Variants in BMPER observed in about 807,000 individuals in gnomAD.
BMPER encodes BMP-binding endothelial regulator protein.
In BMPER, 45 loss-of-function variants were observed where a neutral mutation model predicts 87.3. The observed-to-expected ratio is 0.52, with a 90% CI of 0.41 to 0.66. BMPER has a LOEUF of 0.66. Among genes scored for constraint, BMPER ranks in the 30% least tolerant of loss-of-function variants. The pLI is 0.00. For synonymous variants in BMPER, 326 were observed against 316.2 expected (o/e 1.03, Z -0.33); for missense variants, 784 against 867.5 (o/e 0.90, Z 1.21).
At chr7:34,047,303 C>T (rs142627664) in intron 7 of BMPER, among the ~76,000 whole-genome samples, 27 of 151,842 alleles carry the variant, frequency 1.8e-4, no homozygotes, top group Admixed American at 9.2e-4. Flanking sequence ...TTTTTTGAGA[C>T]GGAGTCTTGC....
At chr7:34,050,374 A>T (rs1311965908) in intron 7 of BMPER, among the ~76,000 whole-genome samples, 1 of 152,062 alleles carries the variant, frequency 6.6e-6, no homozygotes, top group Admixed American at 6.6e-5. Flanking sequence ...GATCCAAATT[A>T]TAACTCACTT....
intron 6 of BMPER, among the ~76,000 whole-genome samples, chr7:34,022,693 T>G (rs1221971383): frequency 1.3e-5 from 2 of 148,492 alleles, no homozygotes. Flanking sequence ...AACCAATCCC[T>G]TTAAGGTTTG....
chr7:34,065,964 C>A (rs1788578119), intron 11 of BMPER, among the ~76,000 whole-genome samples: 1 of 152,204 alleles, frequency 6.6e-6, no homozygotes, highest in Non-Finnish European at 1.5e-5. Flanking sequence ...ACATACTCTC[C>A]AATTTATTTT....
chr7:34,055,075 A>G (rs17169636), intron 8 of BMPER, 88 bp from the exon 9 acceptor site: 9 of 1,551,444 alleles, frequency 5.8e-6, no homozygotes, highest in Non-Finnish European at 8.0e-6. Flanking sequence ...TGACACAGAT[A>G]GTTATGAGTT....
chr7:33,978,611 G>T (rs1253466119), intron 6 of BMPER, among the ~76,000 whole-genome samples: 3 of 152,146 alleles, frequency 2.0e-5, no homozygotes, highest in Admixed American at 6.5e-5. Context: ...CCCTCAAGTG[G>T]CAAAGTGGTC....
At position 34,143,334 on chromosome 7, in the gene BMPER, A is replaced by G; in HGVS notation, c.1850A>G (p.His617Arg). The change falls in exon 14 of 15, where the codon CAC becomes CGC. Residue 617 changes from histidine to arginine, a missense_variant. Physicochemically the swap from His to Arg is conservative, Grantham distance 29 (BLOSUM62 0). Coordinates refer to ENST00000649409, the MANE Select transcript of BMPER (RefSeq NM_001365308.1). ...RACQREGIKV[H>R]WEPQQNCAAT... ...TGCCAGAGAGAGGGCATCAAAGTCCACTGGGAGCCTCAGCAGAATTGTGCA... is the reference window on the plus strand; with the variant it reads ...TGCCAGAGAGAGGGCATCAAAGTCCGCTGGGAGCCTCAGCAGAATTGTGCA... The G allele has an allele frequency of 6.2e-7, 1 of 1,614,046 alleles. No individual in the cohort carries two copies. Among genetic ancestry groups the G allele is most frequent in the Non-Finnish European group, 8.5e-7 (1 of 1,179,936 alleles).
intron 13 of BMPER, among the ~76,000 whole-genome samples, chr7:34,105,499 G>A (rs1789794473): frequency 1.3e-5 from 2 of 152,110 alleles, no homozygotes; most frequent in Non-Finnish European, 2.9e-5. Context: ...CACCATAGAG[G>A]GCCAGTCAGG....
At chr7:34,030,392 A>G (rs1266313082) in intron 6 of BMPER, among the ~76,000 whole-genome samples, 1 of 152,112 alleles carries the variant, frequency 6.6e-6, no homozygotes, top group Admixed American at 6.6e-5. Context: ...TCTATGGTCA[A>G]ATAAGTTTGA....
At chr7:33,924,325 T>C (rs57387997) in intron 2 of BMPER, among the ~76,000 whole-genome samples, 1,792 of 152,354 alleles carry the variant, frequency 0.012, 24 homozygotes, top group African/African-American at 0.041. Context: ...CATTTGAAAG[T>C]ATACAAATTA....
chr7:34,133,054 A>G (rs1229067491), intron 13 of BMPER, among the ~76,000 whole-genome samples: 1 of 152,072 alleles, frequency 6.6e-6, no homozygotes, highest in African/African-American at 2.4e-5. Flanking sequence ...AATTTCCTGA[A>G]TGGTAGGAGT....
chr7:34,086,522 C>G (rs908478827), intron 13 of BMPER, among the ~76,000 whole-genome samples: 1 of 152,158 alleles, frequency 6.6e-6, no homozygotes, highest in Admixed American at 6.5e-5. Flanking sequence ...GTTATTCTAC[C>G]TGAGGAAGAG....
intron 13 of BMPER, among the ~76,000 whole-genome samples, chr7:34,107,441 T>A (rs1052245935): frequency 2.6e-5 from 4 of 152,224 alleles, no homozygotes; most frequent in Admixed American, 1.3e-4. Flanking sequence ...TCAGATTTTT[T>A]AATTTCTGCC....
At chr7:33,982,583 G>A (rs1013338556) in intron 6 of BMPER, among the ~76,000 whole-genome samples, 4 of 152,046 alleles carry the variant, frequency 2.6e-5, no homozygotes, top group African/African-American at 9.7e-5. Context: ...AAAAGTAGCT[G>A]GTGTTCTGCT....
At chr7:34,131,490 A>C (rs1053813987) in intron 13 of BMPER, among the ~76,000 whole-genome samples, 1 of 152,142 alleles carries the variant, frequency 6.6e-6, no homozygotes, top group Non-Finnish European at 1.5e-5. Flanking sequence ...CACGTAGTGG[A>C]GGATTTGTGC....
At chr7:33,931,720 C>A (rs1784485393) in intron 2 of BMPER, among the ~76,000 whole-genome samples, 1 of 152,194 alleles carries the variant, frequency 6.6e-6, no homozygotes, top group Non-Finnish European at 1.5e-5. Context: ...CTGCTTCCTC[C>A]TCCTTGGGGC....
intron 2 of BMPER, among the ~76,000 whole-genome samples, chr7:33,927,241 A>C (rs1562634771): frequency 6.6e-6 from 1 of 152,162 alleles, no homozygotes; most frequent in African/African-American, 2.4e-5. Flanking sequence ...TCTGTGAAAA[A>C]TCTTCTGTTT....
intron 13 of BMPER, among the ~76,000 whole-genome samples, chr7:34,122,407 A>G (rs922001147): frequency 6.6e-6 from 1 of 152,212 alleles, no homozygotes; most frequent in African/African-American, 2.4e-5. Flanking sequence ...ATGCGGCTCA[A>G]TAGGTTTTAG....
chr7:34,056,903 A>G (rs1392647962), intron 9 of BMPER, among the ~76,000 whole-genome samples: 6 of 152,188 alleles, frequency 3.9e-5, no homozygotes, highest in Admixed American at 2.0e-4. Flanking sequence ...GGCGTGAGCC[A>G]CCGCGCCCGG....
At chr7:34,126,466 G>A (rs1790405148) in intron 13 of BMPER, among the ~76,000 whole-genome samples, 1 of 152,202 alleles carries the variant, frequency 6.6e-6, no homozygotes. Context: ...ACATTTGGCT[G>A]CTATGTAGGG....
Sources: gnomAD v4.1 joint callset for allele counts (sites outside exome capture counted in the v4.1 genomes callset) on GRCh38, gnomAD v4.1.1 for gene constraint, MANE v1.5 for transcripts, NCBI Gene and HGNC (gene_info 2026-07-23, HGNC 2026-07-21) for gene names.